ZFAND3: variants seen among roughly 807,000 people sequenced by gnomAD.
ZFAND3 encodes the protein AN1-type zinc finger protein 3.
In ZFAND3, 10 loss-of-function variants were observed where a neutral mutation model predicts 29.6. The observed-to-expected ratio is 0.34, with a 90% CI of 0.21 to 0.57. The LOEUF (loss-of-function observed/expected upper bound fraction) is 0.57, where lower values mean the gene tolerates loss of function less well. Ranked by LOEUF, ZFAND3 falls within the 20% of genes least tolerant of loss-of-function variation. The pLI is 0.86. For missense variants in ZFAND3, 230 were observed against 304.5 expected (o/e 0.76, Z 1.82); for synonymous variants, 128 against 112.6 (o/e 1.14, Z -0.87).
intron 1 of ZFAND3, among the ~76,000 whole-genome samples, chr6:37,902,449 C>A (rs1432017831): frequency 6.6e-6 from 1 of 152,044 alleles, no homozygotes; most frequent in African/African-American, 2.4e-5. Flanking sequence ...CTCTAGCCTG[C>A]CATGCACTCT....
intron 1 of ZFAND3, among the ~76,000 whole-genome samples, chr6:37,883,708 A>G (rs1480008017): frequency 6.9e-6 from 1 of 144,214 alleles, no homozygotes; most frequent in Non-Finnish European, 1.5e-5. Context: ...TGCCTGGCTA[A>G]TTTTTGTATT....
rs535914302 is a variant in ZFAND3, at chr6:37,820,034, T to TGGGGGCG, written c.71+30_71+36dup. ...TTCTGGGGGTAAGTGCCCGGCCGGGTGGGGGCGGGGGGCGGGGGCCGGGGG... is the reference window on the plus strand; with the variant it reads ...TTCTGGGGGTAAGTGCCCGGCCGGGTGGGGGCGGGGGGCGGGGGGCGGGGGCCGGGGG... On this transcript the variant is annotated intron_variant, in intron 1 of 5. Transcript: ENST00000287218. The TGGGGGCG allele has an allele frequency of 1.9e-5, 11 of 582,282 alleles. No individual in the cohort carries two copies. Among genetic ancestry groups the TGGGGGCG allele is most frequent in the East Asian group, 5.8e-5 (1 of 17,174 alleles). 36.1% of individuals were successfully genotyped at this position (582,282 alleles called of 1,614,324 possible).
At chr6:37,932,528 G>A (rs955252700) in intron 2 of ZFAND3, among the ~76,000 whole-genome samples, 2 of 152,152 alleles carry the variant, frequency 1.3e-5, no homozygotes, top group African/African-American at 4.8e-5. Context: ...TACTCAACCT[G>A]TATTAGATTA....
chr6:38,045,753 A>G (rs1425156420), intron 2 of ZFAND3, among the ~76,000 whole-genome samples: 3 of 152,222 alleles, frequency 2.0e-5, no homozygotes, highest in African/African-American at 4.8e-5. Flanking sequence ...AAATGATGAT[A>G]TCAGGACAAA....
chr6:37,845,491 G>C (rs1362853065), intron 1 of ZFAND3, among the ~76,000 whole-genome samples: 2 of 152,192 alleles, frequency 1.3e-5, no homozygotes, highest in Non-Finnish European at 2.9e-5. Context: ...AAAATAAACT[G>C]TAGAAAAATG....
Position 37,971,552 on chromosome 6 carries a change from G to A in ZFAND3, c.112+41553G>A, listed in dbSNP as rs546799372. On this transcript the variant is annotated intron_variant, in intron 2 of 5. Coordinates refer to ENST00000287218, the MANE Select transcript of ZFAND3 (RefSeq NM_021943.3). ...TCAGCAGTCTCACACTTAATTCCAA[G>A]GTTTACTTAAGATTTTTTTCTGAAA... is the stretch of plus-strand genomic sequence containing the variant. Among the ~76,000 whole-genome samples, 3 of 152,080 alleles carry A rather than the reference G, an allele frequency of 2.0e-5. No homozygotes were observed. The East Asian group carries it at 5.8e-4, about 29-fold the overall frequency.
intron 1 of ZFAND3, among the ~76,000 whole-genome samples, chr6:37,856,004 G>T (rs1481606700): frequency 6.6e-6 from 1 of 151,496 alleles, no homozygotes; most frequent in Non-Finnish European, 1.5e-5. Context: ...CTTGGTGGTA[G>T]TTCTGGTTTT....
chr6:37,858,203 A>G (rs1448425716), intron 1 of ZFAND3, among the ~76,000 whole-genome samples: 1 of 152,140 alleles, frequency 6.6e-6, no homozygotes. Flanking sequence ...CTTTGCTGGG[A>G]CACCAATAGC....
chr6:38,061,723 C>A lies in ZFAND3; in HGVS notation c.243C>A (p.Ser81Arg). ...TAACCACGCCAACTCTTAGTCCCAGCCAGCAGCCGCTTCCGACAGAACTGA... is the reference window on the plus strand; with the variant it reads ...TAACCACGCCAACTCTTAGTCCCAGACAGCAGCCGCTTCCGACAGAACTGA... ...TSITTPTLSP[S>R]QQPLPTELNV... Residue 81 changes from serine to arginine, a missense_variant, in exon 3 of 6, where the codon AGC becomes AGA. Physicochemically the swap from Ser to Arg is moderately radical, Grantham distance 110 (BLOSUM62 -1). This residue lies in a region of ZFAND3 where 180 missense variants were observed against 202.5 expected (regional missense o/e 0.89). Coordinates refer to ENST00000287218, the MANE Select transcript of ZFAND3 (RefSeq NM_021943.3). The A allele has an allele frequency of 1.9e-6, 3 of 1,614,138 alleles. No homozygotes were observed. The highest frequency in any genetic ancestry group is 2.5e-6 in the Non-Finnish European group (3 of 1,180,022).
intron 2 of ZFAND3, among the ~76,000 whole-genome samples, chr6:38,036,273 A>G (rs187255900): frequency 2.4e-4 from 36 of 152,332 alleles, no homozygotes; most frequent in Admixed American, 8.5e-4. Flanking sequence ...AAAGATAAAA[A>G]CAAGGAAAAA....
intron 2 of ZFAND3, among the ~76,000 whole-genome samples, chr6:38,052,600 A>T (rs759787608): frequency 2.0e-4 from 31 of 152,148 alleles, no homozygotes; most frequent in Non-Finnish European, 3.8e-4. Context: ...TATCCAACAA[A>T]TATTTAATAA....
chr6:38,062,371 G>A (rs1764258064), intron 3 of ZFAND3: 1 of 151,952 alleles, frequency 6.6e-6, no homozygotes, highest in Non-Finnish European at 1.5e-5. Flanking sequence ...TAGGTTAGAA[G>A]TTCACTGTCT....
chr6:38,132,256 A>G lies in ZFAND3; in HGVS notation c.529+15517A>G, dbSNP rs947108478. Among the ~76,000 whole-genome samples the G allele has an allele frequency of 7.2e-5, 11 of 152,334 alleles. 1 individual carries two copies. The highest frequency in any genetic ancestry group is 3.3e-4 in the Admixed American group (5 of 15,308). ...GCTGGGTGCGGTGGCTCACACCTGT[A>G]ATCCCAACACTTTGAGAGCCAAGGT... On this transcript the variant is annotated intron_variant, in intron 5 of 5. Coordinates refer to ENST00000287218, the MANE Select transcript of ZFAND3 (RefSeq NM_021943.3).
intron 3 of ZFAND3, among the ~76,000 whole-genome samples, chr6:38,064,647 C>A (rs1035628578): frequency 1.3e-5 from 2 of 149,904 alleles, no homozygotes; most frequent in Non-Finnish European, 3.0e-5. Context: ...CAGTTTAGGC[C>A]ACTGTAGACT....
chr6:38,114,328 T>G (rs1337326124), intron 4 of ZFAND3, among the ~76,000 whole-genome samples: 1 of 152,266 alleles, frequency 6.6e-6, no homozygotes, highest in Non-Finnish European at 1.5e-5. Context: ...AGCTGACTGC[T>G]TTGTAATGAT....
At chr6:37,852,114 C>T (rs1470669390) in intron 1 of ZFAND3, among the ~76,000 whole-genome samples, 4 of 152,212 alleles carry the variant, frequency 2.6e-5, no homozygotes, top group South Asian at 4.1e-4. Flanking sequence ...CCAAACTAGG[C>T]TGTGCGACTG....
At chr6:38,052,920 G>C (rs1764054823) in intron 2 of ZFAND3, among the ~76,000 whole-genome samples, 2 of 151,934 alleles carry the variant, frequency 1.3e-5, no homozygotes, top group Non-Finnish European at 2.9e-5. Flanking sequence ...TGCAATCCCA[G>C]CTACTTGGGT....
At chr6:37,926,461 G>T (rs1761486754) in intron 1 of ZFAND3, among the ~76,000 whole-genome samples, 1 of 152,130 alleles carries the variant, frequency 6.6e-6, no homozygotes, top group Non-Finnish European at 1.5e-5. Context: ...TCATGTGGCT[G>T]TTTACTTTGG....
chr6:38,074,069 T>C (rs530144938), intron 3 of ZFAND3, among the ~76,000 whole-genome samples: 86 of 152,176 alleles, frequency 5.7e-4, no homozygotes, highest in Non-Finnish European at 1.1e-3. Flanking sequence ...TTGGATCTTA[T>C]ATTAACCTTT....
Sources: gnomAD v4.1 joint callset for allele counts (sites outside exome capture counted in the v4.1 genomes callset) on GRCh38, gnomAD v4.1.1 for gene constraint, gnomAD v4.1.1 regional missense constraint, MANE v1.5 for transcripts, NCBI Gene and HGNC (gene_info 2026-07-23, HGNC 2026-07-21) for gene names.